EML4: variants seen among roughly 807,000 people sequenced by gnomAD.
EML4 encodes the protein echinoderm microtubule-associated protein-like 4.
Under a neutral mutation model 129.0 loss-of-function variants are expected in EML4, and 72 were observed. The ratio of observed to expected loss-of-function variants is 0.56; its 90% CI spans 0.46 to 0.68. EML4 has a LOEUF of 0.68. Ranked by LOEUF, EML4 falls within the 30% of genes least tolerant of loss-of-function variation. The probability of loss-of-function intolerance (pLI) is 0.00; values close to 1 mark genes in which losing one functional copy is unlikely to be tolerated. For synonymous variants in EML4, 532 were observed against 405.0 expected (o/e 1.31, Z -3.77); for missense variants, 1,363 against 1,190.6 (o/e 1.14, Z -2.13).
intron 1 of EML4, among the ~76,000 whole-genome samples, chr2:42,212,967 T>C (rs1672969177): frequency 6.6e-6 from 1 of 152,258 alleles, no homozygotes; most frequent in Admixed American, 6.5e-5. Context: ...ATTTGGCTTA[T>C]GTGATCTCTA....
intron 1 of EML4, among the ~76,000 whole-genome samples, chr2:42,218,396 A>G (rs1673338843): frequency 6.6e-6 from 1 of 152,130 alleles, no homozygotes; most frequent in Admixed American, 6.6e-5. Flanking sequence ...TAATAATAAT[A>G]TAAAGTGCAT....
rs139080583 is a variant in EML4, at chr2:42,313,407, A to G, written c.1968-2555A>G. On this transcript the variant is annotated intron_variant, in intron 17 of 22. Coordinates refer to ENST00000318522, the MANE Select transcript of EML4 (RefSeq NM_019063.5). ...GTCACTCATATTTGGCTCAGAATAA[A>G]TCTCTTCAAATATTTTACAGAGTTT... is the stretch of plus-strand genomic sequence containing the variant. Among the ~76,000 whole-genome samples, 349 of 152,278 alleles carry G rather than the reference A, an allele frequency of 2.3e-3. 3 individuals are homozygous for G. Among genetic ancestry groups the G allele is most frequent in the Non-Finnish European group, 3.0e-3 (206 of 68,024 alleles).
intron 2 of EML4, among the ~76,000 whole-genome samples, chr2:42,253,705 A>G (rs1409457434): frequency 2.0e-5 from 3 of 152,220 alleles, no homozygotes; most frequent in Admixed American, 2.0e-4. Flanking sequence ...GAGTTATTAA[A>G]GTCATATGCC....
chr2:42,213,031 A>G (rs1017646872), intron 1 of EML4, among the ~76,000 whole-genome samples: 4 of 152,214 alleles, frequency 2.6e-5, no homozygotes, highest in Admixed American at 6.5e-5. Context: ...ACAAATGAGC[A>G]TATTAGTGTA....
At chr2:42,244,395 C>G (rs1675248233) in intron 1 of EML4, among the ~76,000 whole-genome samples, 2 of 152,144 alleles carry the variant, frequency 1.3e-5, no homozygotes, top group Admixed American at 6.5e-5. Context: ...CCGCGCCCAG[C>G]CAGCAATTGA....
intron 1 of EML4, among the ~76,000 whole-genome samples, chr2:42,186,890 A>G (rs1373624922): frequency 1.3e-5 from 2 of 152,152 alleles, no homozygotes; most frequent in Admixed American, 6.5e-5. Flanking sequence ...TGTATTCACT[A>G]CTACAATGAA....
chr2:42,244,099 T>G (rs952579298), intron 1 of EML4, among the ~76,000 whole-genome samples: 3 of 46,932 alleles, frequency 6.4e-5, no homozygotes, highest in African/African-American at 2.6e-4. Flanking sequence ...TTTTTGTTTT[T>G]TGTTTTTTTT....
chr2:42,324,487 G>A (rs1055282850), intron 19 of EML4, among the ~76,000 whole-genome samples: 9 of 152,108 alleles, frequency 5.9e-5, no homozygotes, highest in African/African-American at 2.2e-4. Context: ...GTGATGGCAT[G>A]TGCCTGTAGT....
At chr2:42,285,915 A>G (rs773580833) in intron 9 of EML4, 31 of 242,358 alleles carry the variant, frequency 1.3e-4, no homozygotes, top group Non-Finnish European at 2.5e-4. Context: ...ACCTTTTAAT[A>G]GCGGTATCAC....
chr2:42,204,162 C>G (rs1293232689), intron 1 of EML4, among the ~76,000 whole-genome samples: 1 of 152,150 alleles, frequency 6.6e-6, no homozygotes, highest in African/African-American at 2.4e-5. Context: ...TCAAGTGATC[C>G]TCCTGCCTTG....
At chr2:42,286,797 T>G (rs561705586) in intron 10 of EML4, among the ~76,000 whole-genome samples, 1 of 152,348 alleles carries the variant, frequency 6.6e-6, no homozygotes, top group South Asian at 2.1e-4. Context: ...TATTGGCTTT[T>G]CTTGATGTCA....
chr2:42,261,371 G>T, intron 4 of EML4, 77 bp downstream of exon 4: 1 of 1,308,092 alleles, frequency 7.6e-7, no homozygotes, highest in Non-Finnish European at 1.0e-6. Flanking sequence ...GAAAAAGTTA[G>T]CTATCCAAGG....
At chr2:42,244,059 A>G (rs545641220) in intron 1 of EML4, among the ~76,000 whole-genome samples, 4 of 145,502 alleles carry the variant, frequency 2.7e-5, no homozygotes, top group South Asian at 4.4e-4. Flanking sequence ...ACCAATAGCA[A>G]TTAATGTTTT....
chr2:42,185,904 G>C (rs574476421), intron 1 of EML4, among the ~76,000 whole-genome samples: 13 of 152,064 alleles, frequency 8.5e-5, no homozygotes, highest in Non-Finnish European at 1.5e-4. Flanking sequence ...TTCAGTAGTG[G>C]GATAGGAGAT....
At chr2:42,170,919 T>C (rs1670235195) in intron 1 of EML4, among the ~76,000 whole-genome samples, 1 of 152,224 alleles carries the variant, frequency 6.6e-6, no homozygotes, top group African/African-American at 2.4e-5. Context: ...CAAAGAGCAA[T>C]GGGCCTATTA....
At chr2:42,292,706 A>G in intron 11 of EML4, among the ~76,000 whole-genome samples, 1 of 152,212 alleles carries the variant, frequency 6.6e-6, no homozygotes, top group East Asian at 1.9e-4. Context: ...TTTTCAATTT[A>G]TAAAACTTTA....
At position 42,245,706 on chromosome 2, in the gene EML4, T is replaced by G. The variant is rs1225510244; in HGVS notation, c.208+19T>G. ...AGTAAAGGTAATTGTGTTGTAAAGTTAAAAAGAGTCTTGCTTTTTGCAATA... is the reference window on the plus strand; with the variant it reads ...AGTAAAGGTAATTGTGTTGTAAAGTGAAAAAGAGTCTTGCTTTTTGCAATA... On this transcript the variant is annotated intron_variant, in intron 2 of 22. Coordinates refer to ENST00000318522, the MANE Select transcript of EML4 (RefSeq NM_019063.5). 2.6e-6 allele frequency: 4 copies of G among 1,556,136 alleles called. No individual in the cohort carries two copies. Among genetic ancestry groups the G allele is most frequent in the Non-Finnish European group, 2.6e-6 (3 of 1,153,516 alleles).
chr2:42,282,441 T>A (rs1397167020), intron 7 of EML4, among the ~76,000 whole-genome samples: 1 of 151,914 alleles, frequency 6.6e-6, no homozygotes, highest in Non-Finnish European at 1.5e-5. Flanking sequence ...CAGGCTGGAG[T>A]GCAGTGGCAC....
chr2:42,325,184 A>C (rs776597487), intron 19 of EML4: 1 of 538,906 alleles, frequency 1.9e-6, no homozygotes, highest in South Asian at 1.4e-5. Flanking sequence ...ATGTGTTGCA[A>C]TGTCCTGTAA....
Sources: gnomAD v4.1 joint callset for allele counts (sites outside exome capture counted in the v4.1 genomes callset) on GRCh38, gnomAD v4.1.1 for gene constraint, MANE v1.5 for transcripts, NCBI Gene and HGNC (gene_info 2026-07-23, HGNC 2026-07-21) for gene names.